The following HDAC5 variants were observed in gnomAD, a reference collection of about 807,000 sequenced individuals.
HDAC5 encodes histone deacetylase 5.
A neutral mutation model predicts 133.3 loss-of-function variants in HDAC5; 25 were observed. The observed-to-expected ratio is 0.19, with a 90% confidence interval of 0.14 to 0.26. The LOEUF (loss-of-function observed/expected upper bound fraction) is 0.26. Ranked by LOEUF, HDAC5 falls within the 10% of genes least tolerant of loss-of-function variation. The pLI is 1.00. For missense variants in HDAC5, 1,041 were observed against 1,460.5 expected, an observed-to-expected ratio of 0.71 and a Z score of 4.68; for synonymous variants, 589 against 610.8, an observed-to-expected ratio of 0.96 and a Z score of 0.53.
chr17:44,111,021 C>A, intron 2 of HDAC5: 2 of 547,620 alleles, frequency 3.7e-6, no homozygotes, highest in Non-Finnish European at 6.7e-6. Flanking sequence ...GCACTCCTGG[C>A]GGCAGGAGGG....
chr17:44,120,501 G>A (rs1250521685), intron 1 of HDAC5: 2 of 152,310 alleles, frequency 1.3e-5, no homozygotes, highest in Admixed American at 6.5e-5. Flanking sequence ...AGGACTTTGC[G>A]AGGCCAAGGC....
intron 3 of HDAC5, among the ~76,000 whole-genome samples, chr17:44,103,719 T>G (rs1302131054): frequency 6.6e-6 from 1 of 151,942 alleles, no homozygotes; most frequent in Non-Finnish European, 1.5e-5. Context: ...TTCTTTTTTT[T>G]TTTTTTGAGA....
rs761880863 is a variant in HDAC5 at position 44,093,362 on chromosome 17, G to A, written c.478C>T (p.Leu160=). The change falls in exon 5 of 27, where the codon CTG becomes TTG. Residue 160 remains leucine (L), a synonymous_variant. Coordinates refer to ENST00000682912, the MANE Select transcript of HDAC5 (RefSeq NM_005474.5). ...CGCAGGATGAGCAGCTGCTGCTCCA[G>A]CCGCTGCTTCTCCAGCTCTTCCTGC... ...QRQEELEKQR[L]EQQLLILRNK... 6.3e-7 allele frequency: 1 copy of A among 1,581,882 alleles called. No homozygotes were observed. The highest frequency in any genetic ancestry group is 1.1e-5 in the South Asian group (1 of 88,996).
chr17:44,108,751 CAAAAAAAAAACAAAAA>C (rs763706006), intron 3 of HDAC5, among the ~76,000 whole-genome samples: 1 of 56,944 alleles, frequency 1.8e-5, no homozygotes, highest in Admixed American at 2.0e-4. Context: ...TTCCAGAGTC[CAAAAAAAAAACAAAAA>C]AAAAACAAAA....
intron 9 of HDAC5, 73 bp from the exon 10 acceptor site, chr17:44,091,904 C>G: frequency 6.8e-7 from 1 of 1,473,970 alleles, no homozygotes; most frequent in East Asian, 2.3e-5. Context: ...AACCTGGGGC[C>G]AAGGCCAAGG....
chr17:44,095,442 A>C (rs972982348), intron 3 of HDAC5, among the ~76,000 whole-genome samples: 11 of 151,886 alleles, frequency 7.2e-5, no homozygotes, highest in Non-Finnish European at 1.6e-4. Context: ...CCTTCTGGAT[A>C]TCTCTACCCT....
chr17:44,101,394 G>C (rs1465680022), intron 3 of HDAC5, among the ~76,000 whole-genome samples: 1 of 111,118 alleles, frequency 9.0e-6, no homozygotes, highest in African/African-American at 3.4e-5. Flanking sequence ...CTTGGCGACA[G>C]AGCAAGACTC....
chr17:44,123,352 G>A (rs2053130495), intron 1 of HDAC5, 152 bp downstream of exon 1: 2 of 334,170 alleles, frequency 6.0e-6, no homozygotes, highest in South Asian at 1.5e-4. Context: ...GGGGGGCGCC[G>A]GCTGGCTCCC....
intron 23 of HDAC5, among the ~76,000 whole-genome samples, 175 bp downstream of exon 23, chr17:44,079,932 A>G (rs185411217): frequency 6.6e-6 from 1 of 152,126 alleles, no homozygotes; most frequent in Admixed American, 6.5e-5. Flanking sequence ...CTATCCCCTC[A>G]AGGCCGGGGT....
At chr17:44,078,742 A>T (rs2050236479) in intron 25 of HDAC5, 53 bp downstream of exon 25, 1 of 1,611,308 alleles carries the variant, frequency 6.2e-7, no homozygotes, top group African/African-American at 1.3e-5. Context: ...TGGTGCTCCC[A>T]CAAGCTCCGT....
chr17:44,094,743 C>A (rs935857395), intron 3 of HDAC5, among the ~76,000 whole-genome samples: 18 of 83,442 alleles, frequency 2.2e-4, no homozygotes, highest in African/African-American at 5.0e-4. Flanking sequence ...TATGTGTGTA[C>A]GTATGTGTGT....
chr17:44,109,979 A>G (rs1181399189), intron 3 of HDAC5, among the ~76,000 whole-genome samples: 1 of 152,084 alleles, frequency 6.6e-6, no homozygotes, highest in East Asian at 1.9e-4. Flanking sequence ...GCTCTGGGGG[A>G]CCCCACCCCT....
intron 11 of HDAC5, 144 bp from the exon 12 acceptor site, chr17:44,088,742 C>T: frequency 1.6e-6 from 2 of 1,216,308 alleles, no homozygotes; most frequent in East Asian, 5.2e-5. Flanking sequence ...CTGAAGCACC[C>T]CCCACCCAAA....
intron 3 of HDAC5, among the ~76,000 whole-genome samples, chr17:44,097,806 C>T (rs1321967698): frequency 1.3e-5 from 2 of 152,256 alleles, no homozygotes; most frequent in Non-Finnish European, 2.9e-5. Flanking sequence ...CTGGAACTGT[C>T]GCCAGCAGTA....
At chr17:44,113,294 G>A (rs1286956402) in intron 2 of HDAC5, among the ~76,000 whole-genome samples, 4 of 152,170 alleles carry the variant, frequency 2.6e-5, no homozygotes, top group Non-Finnish European at 1.5e-5. Context: ...GAAGATAGTA[G>A]CACCCAGGAC....
chr17:44,084,863 A>G (rs2050574815), intron 15 of HDAC5, among the ~76,000 whole-genome samples, 159 bp downstream of exon 15: 1 of 152,072 alleles, frequency 6.6e-6, no homozygotes, highest in South Asian at 2.1e-4. Context: ...ACCATGGGGG[A>G]AAACAGGCTG....
At chr17:44,093,248 A>ACC in intron 5 of HDAC5, 42 bp from the exon 6 acceptor site, 1 of 1,586,760 alleles carries the variant, frequency 6.3e-7, no homozygotes, top group Non-Finnish European at 8.6e-7. Flanking sequence ...TTGGGGCCAG[A>ACC]CCCCCCATGG....
At chr17:44,088,084 G>C (rs567369844) in intron 12 of HDAC5, among the ~76,000 whole-genome samples, 37 of 151,648 alleles carry the variant, frequency 2.4e-4, no homozygotes, top group Non-Finnish European at 4.6e-4. Context: ...TCTGGGCTCA[G>C]TGCAACCTCC....
At chr17:44,106,011 C>A (rs2051915399) in intron 3 of HDAC5, among the ~76,000 whole-genome samples, 1 of 152,176 alleles carries the variant, frequency 6.6e-6, no homozygotes, top group Non-Finnish European at 1.5e-5. Flanking sequence ...TTAATACGCT[C>A]CCTTGGTTAA....
Sources: allele counts gnomAD v4.1 joint callset (sites outside exome capture counted in the v4.1 genomes callset), GRCh38; gene constraint gnomAD v4.1.1; transcripts MANE v1.5; gene names NCBI Gene and HGNC (gene_info 2026-07-23, HGNC 2026-07-21).